The following TLN2 variants were observed in gnomAD, a reference collection of about 807,000 sequenced individuals.
The protein encoded by TLN2 is talin 2, also known as talin-2.
In TLN2, 118 loss-of-function variants were observed where a neutral mutation model predicts 294.7. The ratio of observed to expected loss-of-function variants is 0.40; its 90% CI spans 0.34 to 0.47. The LOEUF (loss-of-function observed/expected upper bound fraction) is 0.47, where lower values mean the gene tolerates loss of function less well. Among genes scored for constraint, TLN2 ranks in the 20% least tolerant of loss-of-function variants. The pLI, the probability that TLN2 is intolerant of heterozygous loss-of-function variation, is 0.84. For missense variants in TLN2, 3,083 were observed against 3,282.2 expected, an observed-to-expected ratio of 0.94 and a Z score of 1.48; for synonymous variants, 1,431 against 1,304.5, an observed-to-expected ratio of 1.10 and a Z score of -2.09.
intron 42 of TLN2, among the ~76,000 whole-genome samples, chr15:62,776,033 G>T (rs2141064796): frequency 6.6e-6 from 1 of 152,344 alleles, no homozygotes; most frequent in African/African-American, 2.4e-5. Flanking sequence ...ACCCAGGTTT[G>T]TCTGTCACCT....
At chr15:62,772,184 C>T (rs549133987) in intron 42 of TLN2, among the ~76,000 whole-genome samples, 1 of 152,148 alleles carries the variant, frequency 6.6e-6, no homozygotes, top group African/African-American at 2.4e-5. Context: ...CTCAAACTCC[C>T]GGCCTCGAGC....
intron 1 of TLN2, among the ~76,000 whole-genome samples, chr15:62,528,095 A>G (rs1465156829): frequency 1.3e-5 from 2 of 152,208 alleles, no homozygotes; most frequent in Non-Finnish European, 2.9e-5. Flanking sequence ...GTTCATTAAA[A>G]TTAGTTTATT....
At chr15:62,470,538 C>A (rs183392379) in intron 1 of TLN2, among the ~76,000 whole-genome samples, 1 of 152,220 alleles carries the variant, frequency 6.6e-6, no homozygotes, top group African/African-American at 2.4e-5. Context: ...TCAGAGAGCA[C>A]GGGCAGGAAG....
intron 25 of TLN2, among the ~76,000 whole-genome samples, chr15:62,720,703 A>G (rs1002985644): frequency 2.5e-4 from 38 of 149,974 alleles, no homozygotes; most frequent in African/African-American, 8.8e-4. Flanking sequence ...ATTGGTATTC[A>G]TTGTATATAG....
intron 1 of TLN2, among the ~76,000 whole-genome samples, chr15:62,427,012 A>G (rs1251115847): frequency 6.6e-6 from 1 of 152,130 alleles, no homozygotes; most frequent in Non-Finnish European, 1.5e-5. Context: ...GCTCTGGTAA[A>G]GGTGACAGAA....
chr15:62,805,271 A>G (rs1477361397), intron 50 of TLN2, among the ~76,000 whole-genome samples: 8 of 152,128 alleles, frequency 5.3e-5, no homozygotes, highest in African/African-American at 1.9e-4. Flanking sequence ...GAAGAGAACT[A>G]TGAAGCCATA....
At chr15:62,643,627 G>A (rs1011643049) in intron 3 of TLN2, among the ~76,000 whole-genome samples, 6 of 151,866 alleles carry the variant, frequency 4.0e-5, no homozygotes, top group African/African-American at 9.7e-5. Flanking sequence ...AGGATCCAAC[G>A]GGTATAGTTG....
intron 1 of TLN2, among the ~76,000 whole-genome samples, chr15:62,541,393 C>T (rs1040624467): frequency 6.6e-6 from 1 of 152,146 alleles, no homozygotes; most frequent in East Asian, 1.9e-4. Context: ...CTTTCTTGGC[C>T]TATTCTGTTT....
At chr15:62,589,814 C>T (rs2140731779) in intron 2 of TLN2, 52 bp downstream of exon 2, 1 of 152,270 alleles carries the variant, frequency 6.6e-6, no homozygotes, top group African/African-American at 2.4e-5. Context: ...CAATCCCCTG[C>T]ATTGGTATAG....
chr15:62,508,363 C>T (rs1001936218), intron 1 of TLN2, among the ~76,000 whole-genome samples: 27 of 152,162 alleles, frequency 1.8e-4, no homozygotes, highest in Admixed American at 3.9e-4. Flanking sequence ...ACTACAGGCG[C>T]GTGCCACCAC....
chr15:62,638,450 G>T (rs1261971947), intron 3 of TLN2: 1 of 442,350 alleles, frequency 2.3e-6, no homozygotes, highest in Non-Finnish European at 4.5e-6. Flanking sequence ...CCAGTGCCAA[G>T]AACTACCTGG....
intron 1 of TLN2, among the ~76,000 whole-genome samples, chr15:62,481,797 TC>T (rs66642903): frequency 0.12 from 14,725 of 120,500 alleles, 822 homozygotes; most frequent in Non-Finnish European, 0.14. Flanking sequence ...TTTCTTTCTT[TC>T]TTTTTTTTTT....
At chr15:62,561,963 G>A (rs555990778) in intron 1 of TLN2, among the ~76,000 whole-genome samples, 31 of 152,058 alleles carry the variant, frequency 2.0e-4, no homozygotes, top group African/African-American at 2.9e-4. Context: ...AGCACCCTGC[G>A]TTCACGTTTT....
chr15:62,727,034 C>T (rs889391610), intron 27 of TLN2, 53 bp from the exon 28 acceptor site: 1 of 1,565,528 alleles, frequency 6.4e-7, no homozygotes, highest in Non-Finnish European at 8.8e-7. Context: ...TTTAAGACCT[C>T]AGCAGATGTT....
rs577839603 is a variant in TLN2 at position 62,794,609 on chromosome 15, C to T, written c.5884-1518C>T. 3.3e-5 allele frequency among the ~76,000 whole-genome samples: 5 copies of T among 152,320 alleles called. No individual in the cohort carries two copies. The East Asian group carries it at 5.8e-4, about 18-fold the overall frequency. Reference sequence around the variant, plus strand: ...TCCAGAACCTGGATACCTCATTTCCCGGCCAGCTCTATGCCAGTCTGACTT... The same window carrying T: ...TCCAGAACCTGGATACCTCATTTCCTGGCCAGCTCTATGCCAGTCTGACTT... On this transcript the variant is annotated intron_variant, in intron 46 of 58. Coordinates refer to ENST00000636159, the MANE Select transcript of TLN2 (RefSeq NM_015059.3).
At chr15:62,664,207 ATAT>A (rs201848616) in intron 9 of TLN2, among the ~76,000 whole-genome samples, 2,402 of 139,410 alleles carry the variant, frequency 0.017, 23 homozygotes, top group Middle Eastern at 0.031. Context: ...GATCAGATTA[ATAT>A]CCAGAAGATA....
At chr15:62,710,133 G>T (rs1340037875) in intron 21 of TLN2, among the ~76,000 whole-genome samples, 3 of 152,124 alleles carry the variant, frequency 2.0e-5, no homozygotes, top group Non-Finnish European at 2.9e-5. Flanking sequence ...ATCTTTTAAT[G>T]GACATTTAGT....
intron 1 of TLN2, among the ~76,000 whole-genome samples, chr15:62,580,867 C>G (rs2044916761): frequency 6.6e-6 from 1 of 150,984 alleles, no homozygotes; most frequent in Non-Finnish European, 1.5e-5. Flanking sequence ...TGACCCCTGG[C>G]AACCACTGAT....
chr15:62,647,857 G>GT (rs2052078203), intron 4 of TLN2, among the ~76,000 whole-genome samples: 1 of 151,986 alleles, frequency 6.6e-6, no homozygotes, highest in South Asian at 2.1e-4. Context: ...TATATTTCAA[G>GT]TTTTTTGACA....
Sources: allele counts gnomAD v4.1 joint callset (sites outside exome capture counted in the v4.1 genomes callset), GRCh38; gene constraint gnomAD v4.1.1; transcripts MANE v1.5; gene names NCBI Gene and HGNC (gene_info 2026-07-23, HGNC 2026-07-21).